Variants in KCNH8 observed in about 807,000 individuals in gnomAD.
KCNH8 encodes the protein voltage-gated delayed rectifier potassium channel KCNH8.
KCNH8 carries 70 observed loss-of-function variants against 103.6 expected under a neutral mutation model. That is an observed-to-expected ratio of 0.68 (90% CI 0.56 to 0.82). The LOEUF (loss-of-function observed/expected upper bound fraction) is 0.82. Ranked by LOEUF, KCNH8 falls within the 40% of genes least tolerant of loss-of-function variation. The pLI is 0.00. For missense variants in KCNH8, 1,217 were observed against 1,329.9 expected (o/e 0.92, Z 1.32); for synonymous variants, 498 against 489.4 (o/e 1.02, Z -0.23).
intron 2 of KCNH8, among the ~76,000 whole-genome samples, chr3:19,279,000 A>G (rs923329906): frequency 6.6e-6 from 1 of 152,156 alleles, no homozygotes; most frequent in African/African-American, 2.4e-5. Context: ...TTTCAGGAAA[A>G]TTAATAGCCT....
At chr3:19,372,586 G>T (rs1239457446) in intron 5 of KCNH8, among the ~76,000 whole-genome samples, 1 of 152,058 alleles carries the variant, frequency 6.6e-6, no homozygotes, top group Admixed American at 6.6e-5. Context: ...CTCTTTTCCT[G>T]ATTGAATACC....
At chr3:19,479,942 G>A (rs2068054903) in intron 11 of KCNH8, among the ~76,000 whole-genome samples, 1 of 152,166 alleles carries the variant, frequency 6.6e-6, no homozygotes, top group Non-Finnish European at 1.5e-5. Flanking sequence ...GATTGAGGCA[G>A]AAGATACCAT....
At chr3:19,165,364 A>C (rs1445176135) in intron 1 of KCNH8, among the ~76,000 whole-genome samples, 1 of 152,220 alleles carries the variant, frequency 6.6e-6, no homozygotes, top group Non-Finnish European at 1.5e-5. Context: ...GCAGGTACAG[A>C]CTATTGAACG....
intron 3 of KCNH8, among the ~76,000 whole-genome samples, chr3:19,335,216 T>C: frequency 6.6e-6 from 1 of 151,972 alleles, no homozygotes; most frequent in East Asian, 1.9e-4. Context: ...TACTGAGTTA[T>C]ATGTAAAATT....
At chr3:19,229,234 C>T (rs940350500) in intron 1 of KCNH8, among the ~76,000 whole-genome samples, 5 of 152,216 alleles carry the variant, frequency 3.3e-5, no homozygotes, top group Non-Finnish European at 5.9e-5. Flanking sequence ...TGAAGATGCC[C>T]TCTTCTCACA....
At chr3:19,376,142 A>C (rs1005119582) in intron 5 of KCNH8, among the ~76,000 whole-genome samples, 5 of 152,246 alleles carry the variant, frequency 3.3e-5, no homozygotes, top group East Asian at 3.9e-4. Context: ...TCGAGCGTCC[A>C]GGCTGCTTTG....
intron 1 of KCNH8, among the ~76,000 whole-genome samples, chr3:19,192,624 G>C (rs544632759): frequency 6.6e-6 from 1 of 151,510 alleles, no homozygotes; most frequent in South Asian, 2.1e-4. Context: ...TTTGGGAAAC[G>C]AGGAGATTTG....
At chr3:19,154,660 T>C (rs966217140) in intron 1 of KCNH8, among the ~76,000 whole-genome samples, 2 of 152,234 alleles carry the variant, frequency 1.3e-5, no homozygotes, top group Admixed American at 1.3e-4. Flanking sequence ...CCCAGGGAGT[T>C]AACTTTCTCT....
intron 1 of KCNH8, among the ~76,000 whole-genome samples, chr3:19,187,113 C>G (rs2063509924): frequency 6.6e-6 from 1 of 151,632 alleles, no homozygotes; most frequent in Non-Finnish European, 1.5e-5. Context: ...GGTTTTCAAC[C>G]ACTTAAAAAT....
chr3:19,369,602 A>G (rs2066059778), intron 5 of KCNH8, among the ~76,000 whole-genome samples: 1 of 152,008 alleles, frequency 6.6e-6, no homozygotes, highest in Non-Finnish European at 1.5e-5. Flanking sequence ...TATCTATAGG[A>G]TATCATTCCA....
intron 12 of KCNH8, among the ~76,000 whole-genome samples, chr3:19,510,902 C>G (rs2068772165): frequency 1.3e-5 from 2 of 152,112 alleles, no homozygotes; most frequent in Non-Finnish European, 2.9e-5. Context: ...TCCTGTGACA[C>G]AGAGGCACGC....
In KCNH8 at chr3:19,533,914, C is replaced by T. The variant is rs1387577749; in HGVS notation, c.3139C>T (p.Pro1047Ser). The T allele has an allele frequency of 6.2e-7, 1 of 1,614,102 alleles. No homozygotes were observed. Among genetic ancestry groups the T allele is most frequent in the South Asian group, 1.1e-5 (1 of 91,080 alleles). Residue 1047 changes from proline to serine, a missense_variant, in exon 16 of 16, where the codon CCA becomes TCA. Pro to Ser is a moderately conservative substitution (Grantham distance 74, BLOSUM62 -1). Transcript: ENST00000328405. ...SSETSLHLVL[P>S]SRSEEGSFSQ... ...GGAAACATCTTTGCACCTAGTTCTC[C>T]CAAGCAGATCAGAGGAGGGCAGCTT...
Position 19,533,732 on chromosome 3 carries a change from A to G in KCNH8, c.2957A>G (p.Tyr986Cys), listed in dbSNP as rs1436764387. The G allele has an allele frequency of 6.2e-7, 1 of 1,614,184 alleles. No homozygotes were observed. The highest frequency in any genetic ancestry group is 8.5e-7 in the Non-Finnish European group (1 of 1,180,010). ...CAAAATCCTGCAGACAGTGAACTTT[A>G]TCATTCTCCAAGCCTTGATTATTCA... is the stretch of plus-strand genomic sequence containing the variant. ...HEQNPADSELYHSPSLDYSPS... is the reference protein window; with the variant it reads ...HEQNPADSELCHSPSLDYSPS... The change falls in exon 16 of 16, where the codon TAT becomes TGT. Residue 986 changes from tyrosine (Y) to cysteine (C), a missense_variant. Physicochemically the swap from Tyr to Cys is radical, Grantham distance 194. Around this residue, in one of 3 missense-constraint regions of KCNH8, gnomAD observed 558 missense variants for 495.8 expected, o/e 1.13. Coordinates refer to ENST00000328405, the MANE Select transcript of KCNH8 (RefSeq NM_144633.3).
At chr3:19,374,909 T>C (rs557432540) in intron 5 of KCNH8, among the ~76,000 whole-genome samples, 71 of 152,302 alleles carry the variant, frequency 4.7e-4, no homozygotes, top group African/African-American at 1.7e-3. Context: ...AAAATTCTTT[T>C]CCTTAAGAAT....
chr3:19,229,804 G>C lies in KCNH8; in HGVS notation c.77-23850G>C, dbSNP rs532795789. On this transcript the variant is annotated intron_variant, in intron 1 of 15. Coordinates refer to ENST00000328405, the MANE Select transcript of KCNH8 (RefSeq NM_144633.3). ...TTCCCACATTTTCCTGCCTTCTTCT[G>C]AGCCCTCCAAACTGTTCCAACCTCT... Among the ~76,000 whole-genome samples, 164 of 152,202 alleles carry C rather than the reference G, an allele frequency of 1.1e-3. 1 individual carries two copies. Among genetic ancestry groups the C allele is most frequent in the African/African-American group, 3.3e-3 (137 of 41,522 alleles).
chr3:19,431,605 G>C (rs746280897), intron 7 of KCNH8, among the ~76,000 whole-genome samples: 5 of 152,074 alleles, frequency 3.3e-5, no homozygotes, highest in Non-Finnish European at 5.9e-5. Context: ...AAATCTGTGT[G>C]GTCATGGGTT....
chr3:19,439,429 T>TGAGGA (rs2067246190), intron 8 of KCNH8, among the ~76,000 whole-genome samples: 1 of 152,116 alleles, frequency 6.6e-6, no homozygotes, highest in South Asian at 2.1e-4. Context: ...ATGGCAAACG[T>TGAGGA]GAGGAGAGAT....
chr3:19,274,867 T>TCCCCTCCCCA (rs2064643483), intron 2 of KCNH8, among the ~76,000 whole-genome samples: 2 of 17,868 alleles, frequency 1.1e-4, no homozygotes, highest in Non-Finnish European at 1.9e-4. Flanking sequence ...TCCCCACCCC[T>TCCCCTCCCCA]CCCCTCCCCA....
At chr3:19,457,248 T>C (rs911770645) in intron 11 of KCNH8, among the ~76,000 whole-genome samples, 1 of 151,982 alleles carries the variant, frequency 6.6e-6, no homozygotes, top group Non-Finnish European at 1.5e-5. Context: ...AAAACTACAA[T>C]CCATTTCAGT....
Sources: allele counts gnomAD v4.1 joint callset (sites outside exome capture counted in the v4.1 genomes callset), GRCh38; gene constraint gnomAD v4.1.1; regional missense constraint gnomAD v4.1.1; transcripts MANE v1.5; gene names NCBI Gene and HGNC (gene_info 2026-07-23, HGNC 2026-07-21).